The following XRCC2 variants were observed in gnomAD, a reference collection of about 807,000 sequenced individuals.
XRCC2 encodes the protein X-ray repair cross complementing 2, also known as DNA repair protein XRCC2.
Under a neutral mutation model 27.3 loss-of-function variants are expected in XRCC2, and 24 were observed. The ratio of observed to expected loss-of-function variants is 0.88; its 90% CI spans 0.64 to 1.24. XRCC2 has a LOEUF of 1.24. Ranked by LOEUF, XRCC2 falls within the 50% of genes most tolerant of loss-of-function variation. The probability of loss-of-function intolerance (pLI) is 0.00; values close to 1 mark genes in which losing one functional copy is unlikely to be tolerated. For synonymous variants in XRCC2, 106 were observed against 115.4 expected (o/e 0.92, Z 0.52); for missense variants, 321 against 325.8 (o/e 0.99, Z 0.11).
At chr7:152,651,716 G>A (rs1322123344) in intron 2 of XRCC2, among the ~76,000 whole-genome samples, 1 of 151,770 alleles carries the variant, frequency 6.6e-6, no homozygotes, top group East Asian at 2.0e-4. Flanking sequence ...GTTCCACCAT[G>A]TTGCCCAGGC....
At position 152,648,697 on chromosome 7, in the gene XRCC2, TTAC is replaced by T. The variant is rs1464248741; in HGVS notation, c.785_787del (p.Ser262del). On this transcript the variant is annotated inframe_deletion, in exon 3 of 3. Coordinates refer to ENST00000359321, the MANE Select transcript of XRCC2 (RefSeq NM_005431.2). ...AATAAAAAAATGTTTTTTTAAACTG[TTAC>T]TTTTTAAACAACGTGAAACTAATGA... is the stretch of plus-strand genomic sequence containing the variant. 1.2e-6 allele frequency: 2 copies of T among 1,608,962 alleles called. No homozygotes were observed. Among genetic ancestry groups the T allele is most frequent in the African/African-American group, 2.7e-5 (2 of 74,570 alleles).
intron 2 of XRCC2, among the ~76,000 whole-genome samples, chr7:152,654,377 C>G (rs6964582): frequency 0.95 from 144,096 of 152,156 alleles, 68,283 homozygotes; most frequent in Admixed American, 0.96. Context: ...AGTTAGAAGA[C>G]GCATTAGAAG....
At chr7:152,652,713 ATC>A (rs2098029049) in intron 2 of XRCC2, among the ~76,000 whole-genome samples, 1 of 152,208 alleles carries the variant, frequency 6.6e-6, no homozygotes, top group Admixed American at 6.5e-5. Context: ...AATGTGCTTC[ATC>A]AGTTACCTTC....
chr7:152,664,070 A>T (rs182868183), intron 1 of XRCC2: 5 of 152,236 alleles, frequency 3.3e-5, no homozygotes, highest in Non-Finnish European at 7.3e-5. Context: ...TTCTATTGTC[A>T]CACATTGTTG....
At chr7:152,667,248 A>G (rs2098036183) in intron 1 of XRCC2, among the ~76,000 whole-genome samples, 1 of 151,634 alleles carries the variant, frequency 6.6e-6, no homozygotes, top group South Asian at 2.1e-4. Flanking sequence ...TCTCTACTAA[A>G]AATACTAAAT....
In XRCC2 at chr7:152,646,938, G is replaced by A. The variant is rs1309453563; in HGVS notation, c.*1704C>T. ...CCTTTGGGTATATACCCAGTAATGA[G>A]ATTGCTGGGTTGAATGGTATCTCTG... is the stretch of plus-strand genomic sequence containing the variant. On this transcript the variant is annotated 3_prime_UTR_variant, in exon 3 of 3. Coordinates refer to ENST00000359321, the MANE Select transcript of XRCC2 (RefSeq NM_005431.2). The A allele has an allele frequency of 6.6e-6, 1 of 152,198 alleles. No homozygotes were observed. The highest frequency in any genetic ancestry group is 2.4e-5 in the African/African-American group (1 of 41,448). 9.4% of individuals were successfully genotyped at this position (152,198 alleles called of 1,614,324 possible).
intron 1 of XRCC2, among the ~76,000 whole-genome samples, chr7:152,666,096 A>G (rs1193675805): frequency 6.6e-6 from 1 of 151,778 alleles, no homozygotes; most frequent in Non-Finnish European, 1.5e-5. Flanking sequence ...TTTCATAAAA[A>G]TATGTTTTAT....
intron 1 of XRCC2, among the ~76,000 whole-genome samples, chr7:152,662,719 C>T (rs1305348127): frequency 6.7e-6 from 1 of 150,036 alleles, no homozygotes; most frequent in Admixed American, 6.6e-5. Context: ...ACTACAGGCG[C>T]CCGCCACTAC....
At position 152,676,054 on chromosome 7, in the gene XRCC2, TCA is replaced by T; in HGVS notation, c.24_25del (p.Glu9ValfsTer10). ...GGCGGCTCTCACCTCGGTCCCAGACTCAGCCCTATGGAAGGCACTACACATCG... is the reference window on the plus strand; with the variant it reads ...GGCGGCTCTCACCTCGGTCCCAGACTGCCCTATGGAAGGCACTACACATCG... On this transcript the variant is annotated frameshift_variant, in exon 1 of 3. Transcript: ENST00000359321. LOFTEE classifies it high-confidence loss of function. The T allele has an allele frequency of 6.2e-7, 1 of 1,613,822 alleles. No homozygotes were observed. The highest frequency in any genetic ancestry group is 8.5e-7 in the Non-Finnish European group (1 of 1,179,802).
intron 1 of XRCC2, among the ~76,000 whole-genome samples, chr7:152,663,352 A>G (rs1307576057): frequency 1.2e-5 from 1 of 86,014 alleles, no homozygotes; most frequent in African/African-American, 5.2e-5. Context: ...GAAGTAAAAA[A>G]AAAAAAAAAA....
In XRCC2 at chr7:152,647,117, T is replaced by C. The variant is rs1462576010; in HGVS notation, c.*1525A>G. 1 of 152,244 alleles carries C rather than the reference T, an allele frequency of 6.6e-6. No homozygotes were observed. Among genetic ancestry groups the C allele is most frequent in the Non-Finnish European group, 1.5e-5 (1 of 68,042 alleles). 9.4% of individuals were successfully genotyped at this position (152,244 alleles called of 1,614,324 possible). A position where few individuals can be genotyped will look rare whatever the true frequency, so the allele number is the denominator to read the frequency against. On this transcript the variant is annotated 3_prime_UTR_variant, in exon 3 of 3. Transcript: ENST00000359321. Reference sequence around the variant, plus strand: ...AGCCATTTGGACTGGTGTGAGATGGTATCTCGTTGTTGTTTCGATTTGCAT... The same window carrying C: ...AGCCATTTGGACTGGTGTGAGATGGCATCTCGTTGTTGTTTCGATTTGCAT...
rs2098026704 is a variant in XRCC2, at chr7:152,647,863, T to G, written c.*779A>C. The stretch of plus-strand genomic sequence containing the variant: ...CAGCTTTGTTCTTTTTGCTTAGGAT[T>G]GCCTTACTATCAATATTTCTTTAGA... On this transcript the variant is annotated 3_prime_UTR_variant, in exon 3 of 3. Transcript: ENST00000359321. 6.6e-6 allele frequency: 1 copy of G among 152,226 alleles called. No homozygotes were observed. The highest frequency in any genetic ancestry group is 2.4e-5 in the African/African-American group (1 of 41,450). 9.4% of individuals were successfully genotyped at this position (152,226 alleles called of 1,614,324 possible).
intron 1 of XRCC2, among the ~76,000 whole-genome samples, chr7:152,662,818 C>T (rs977969448): frequency 7.9e-5 from 12 of 151,320 alleles, no homozygotes; most frequent in African/African-American, 2.9e-4. Context: ...CGTGATCCGC[C>T]CGCCTCGGCC....
chr7:152,645,013 ATATTT>A lies in XRCC2; in HGVS notation c.*3624_*3628del, dbSNP rs1233786814. The A allele has an allele frequency of 6.6e-6, 1 of 152,280 alleles. No homozygotes were observed. The highest frequency in any genetic ancestry group is 1.5e-5 in the Non-Finnish European group (1 of 68,026). 9.4% of individuals were successfully genotyped at this position (152,280 alleles called of 1,614,324 possible). Reference sequence around the variant, plus strand: ...AGAAATAACTCCAAGAATAGTTTTTATATTTTATTTTCACATTGAAAATCAGTAAG... The same window carrying A: ...AGAAATAACTCCAAGAATAGTTTTTATATTTTCACATTGAAAATCAGTAAG... On this transcript the variant is annotated 3_prime_UTR_variant, in exon 3 of 3. Transcript: ENST00000359321.
chr7:152,668,294 T>A (rs1251267260), intron 1 of XRCC2, among the ~76,000 whole-genome samples: 1 of 152,178 alleles, frequency 6.6e-6, no homozygotes, highest in Non-Finnish European at 1.5e-5. Context: ...CACTACCTGT[T>A]CATTACTGTA....
chr7:152,658,282 C>G (rs930437464), intron 2 of XRCC2, among the ~76,000 whole-genome samples: 1 of 152,108 alleles, frequency 6.6e-6, no homozygotes, highest in African/African-American at 2.4e-5. Context: ...TCCCGAGTAG[C>G]TGGGACTGCA....
At chr7:152,649,445 A>G in intron 2 of XRCC2, 82 bp from the exon 3 acceptor site, 1 of 1,461,454 alleles carries the variant, frequency 6.8e-7, no homozygotes, top group Non-Finnish European at 9.1e-7. Context: ...AAAAAGTTTA[A>G]AAAGACACTT....
Position 152,649,040 on chromosome 7 carries a change from C to G in XRCC2, c.445G>C (p.Asp149His). ...ATCCAGTAAAAAGCTGACAGGCTAT[C>G]CAAAATCAAAAGGCAGAGAGATGGG... is the stretch of plus-strand genomic sequence containing the variant. ...SHPSLCLLIL[D>H]SLSAFYWIDR... The change falls in exon 3 of 3, where the codon GAT becomes CAT. Residue 149 changes from aspartate (D) to histidine (H), a missense_variant. Asp to His is a moderately conservative substitution (Grantham distance 81). Transcript: ENST00000359321. 1 of 1,614,114 alleles carries G rather than the reference C, an allele frequency of 6.2e-7. No homozygotes were observed. Among genetic ancestry groups the G allele is most frequent in the Non-Finnish European group, 8.5e-7 (1 of 1,180,020 alleles).
intron 1 of XRCC2, among the ~76,000 whole-genome samples, chr7:152,661,479 G>A (rs2098033049): frequency 2.6e-5 from 4 of 152,176 alleles, no homozygotes; most frequent in Non-Finnish European, 5.9e-5. Flanking sequence ...AAAGGTGGAG[G>A]AGAACTTCCT....
Sources: allele counts gnomAD v4.1 joint callset (sites outside exome capture counted in the v4.1 genomes callset), GRCh38; gene constraint gnomAD v4.1.1; transcripts MANE v1.5; gene names NCBI Gene and HGNC (gene_info 2026-07-23, HGNC 2026-07-21).